Variants in CSMD1 observed in about 807,000 individuals in gnomAD.
The protein encoded by CSMD1 is CUB and sushi domain-containing protein 1.
CSMD1 carries 213 observed loss-of-function variants against 417.5 expected under a neutral mutation model. The observed-to-expected ratio is 0.51, with a 90% CI of 0.46 to 0.57. CSMD1 has a LOEUF of 0.57. Among genes scored for constraint, CSMD1 ranks in the 20% least tolerant of loss-of-function variants. CSMD1 has a pLI of 0.00. For synonymous variants in CSMD1, 2,862 were observed against 1,736.8 expected (o/e 1.65, Z -16.11); for missense variants, 6,923 against 4,529.7 (o/e 1.53, Z -15.17).
chr8:4,197,715 C>G (rs555023381), intron 3 of CSMD1, among the ~76,000 whole-genome samples: 4 of 152,094 alleles, frequency 2.6e-5, no homozygotes, highest in African/African-American at 9.7e-5. Context: ...TCTGTCTCTA[C>G]TAAAAATACA....
chr8:3,621,753 ATTATTATTATTATT>A (rs1437756615), intron 7 of CSMD1, among the ~76,000 whole-genome samples: 10 of 150,762 alleles, frequency 6.6e-5, no homozygotes, highest in African/African-American at 1.7e-4. Flanking sequence ...CTAATGTTTT[ATTATTATTATTATT>A]TTATTATTAT....
intron 7 of CSMD1, among the ~76,000 whole-genome samples, chr8:3,660,096 T>C (rs1407456633): frequency 1.3e-5 from 2 of 152,238 alleles, no homozygotes; most frequent in South Asian, 2.1e-4. Context: ...ACCATCGTGA[T>C]GTATGTGGCT....
chr8:4,562,749 T>TCAAGCTGTCA (rs1296191384), intron 2 of CSMD1, among the ~76,000 whole-genome samples: 2 of 152,110 alleles, frequency 1.3e-5, no homozygotes, highest in African/African-American at 4.8e-5. Context: ...TGCATGCTGG[T>TCAAGCTGTCA]GGCTGTTAGC....
chr8:4,190,720 A>T (rs950813277), intron 3 of CSMD1, among the ~76,000 whole-genome samples: 1 of 152,180 alleles, frequency 6.6e-6, no homozygotes, highest in African/African-American at 2.4e-5. Context: ...ACAGAAAATC[A>T]TCTGAAATCA....
chr8:4,334,329 G>A (rs1447441250), intron 3 of CSMD1, among the ~76,000 whole-genome samples: 1 of 152,140 alleles, frequency 6.6e-6, no homozygotes, highest in Non-Finnish European at 1.5e-5. Context: ...TTGTGGATGT[G>A]AATGACATTT....
At chr8:3,124,465 A>C (rs1227673553) in intron 41 of CSMD1, among the ~76,000 whole-genome samples, 1 of 152,250 alleles carries the variant, frequency 6.6e-6, no homozygotes, top group East Asian at 1.9e-4. Context: ...AGATCTAAGT[A>C]GGAAAATGGT....
intron 3 of CSMD1, among the ~76,000 whole-genome samples, chr8:4,171,231 C>T (rs1177795849): frequency 1.3e-5 from 2 of 151,978 alleles, no homozygotes; most frequent in African/African-American, 4.8e-5. Context: ...AGGTCCAGCT[C>T]AACCGTTCAC....
At chr8:4,730,347 G>C (rs1809762790) in intron 1 of CSMD1, among the ~76,000 whole-genome samples, 1 of 152,126 alleles carries the variant, frequency 6.6e-6, no homozygotes, top group Non-Finnish European at 1.5e-5. Context: ...TATATAGAAA[G>C]CCCTTGAAAG....
chr8:4,461,959 G>C (rs937452781), intron 2 of CSMD1, among the ~76,000 whole-genome samples: 4 of 151,826 alleles, frequency 2.6e-5, no homozygotes, highest in African/African-American at 9.7e-5. Context: ...GCCAGGATGG[G>C]CTCTATCTCC....
At chr8:3,392,386 T>A (rs976324926) in intron 17 of CSMD1, among the ~76,000 whole-genome samples, 1 of 152,170 alleles carries the variant, frequency 6.6e-6, no homozygotes. Flanking sequence ...AGTGCCTGCA[T>A]CTTGGCTTCA....
At chr8:4,761,241 A>C (rs1055444687) in intron 1 of CSMD1, among the ~76,000 whole-genome samples, 2 of 152,168 alleles carry the variant, frequency 1.3e-5, no homozygotes, top group African/African-American at 4.8e-5. Flanking sequence ...ACTATGGAAC[A>C]TTCAAAGTGG....
intron 3 of CSMD1, among the ~76,000 whole-genome samples, chr8:4,219,861 G>T (rs991080772): frequency 1.3e-5 from 2 of 152,164 alleles, no homozygotes; most frequent in African/African-American, 4.8e-5. Context: ...GGAGTGCATA[G>T]AAAGACAAAA....
chr8:3,753,944 T>A lies in CSMD1; in HGVS notation c.917A>T (p.Asn306Ile). The A allele has an allele frequency of 6.2e-7, 1 of 1,611,448 alleles. No individual in the cohort carries two copies. Among genetic ancestry groups the A allele is most frequent in the Non-Finnish European group, 8.5e-7 (1 of 1,177,894 alleles). Residue 306 changes from asparagine to isoleucine, a missense_variant, in exon 6 of 70, where the codon AAC (asparagine) becomes ATC (isoleucine). Transcript: ENST00000635120. ...SDSNHRRKGF[N>I]AQFQVKKAIE... ...AGCATCCTTACCTTGGAACTGAGCG[T>A]TAAATCCTTTGCGTCGGTGGTTGCT...
intron 5 of CSMD1, among the ~76,000 whole-genome samples, chr8:3,850,327 C>T (rs955661287): frequency 6.6e-6 from 1 of 152,232 alleles, no homozygotes; most frequent in Admixed American, 6.5e-5. Flanking sequence ...CATAGGGTCT[C>T]ACCCCTGACT....
At chr8:3,294,840 C>T (rs1306826869) in intron 25 of CSMD1, among the ~76,000 whole-genome samples, 1 of 152,102 alleles carries the variant, frequency 6.6e-6, no homozygotes, top group Admixed American at 6.5e-5. Flanking sequence ...CCTGCACCCA[C>T]TTTCCGACAC....
chr8:3,461,602 G>C (rs372234372), intron 12 of CSMD1, among the ~76,000 whole-genome samples: 1 of 151,968 alleles, frequency 6.6e-6, no homozygotes, highest in Non-Finnish European at 1.5e-5. Context: ...GAAGAGGAAG[G>C]GCCCCATGAA....
intron 3 of CSMD1, among the ~76,000 whole-genome samples, chr8:4,190,955 G>GA (rs1181670080): frequency 3.3e-5 from 5 of 151,842 alleles, no homozygotes; most frequent in African/African-American, 1.2e-4. Flanking sequence ...GTGGAGAGTG[G>GA]GGGGGGCGGG....
chr8:3,835,822 G>C (rs985107251), intron 5 of CSMD1, among the ~76,000 whole-genome samples: 10 of 151,850 alleles, frequency 6.6e-5, no homozygotes, highest in African/African-American at 2.2e-4. Context: ...TTTCAGTCTA[G>C]GAGTTCTTCT....
intron 1 of CSMD1, among the ~76,000 whole-genome samples, chr8:4,833,944 C>G (rs920202776): frequency 2.0e-5 from 3 of 152,178 alleles, no homozygotes; most frequent in Non-Finnish European, 2.9e-5. Context: ...ACAGCGGCCC[C>G]TGACTAGTCT....
Sources: gnomAD v4.1 joint callset for allele counts (sites outside exome capture counted in the v4.1 genomes callset) on GRCh38, gnomAD v4.1.1 for gene constraint, MANE v1.5 for transcripts, NCBI Gene and HGNC (gene_info 2026-07-23, HGNC 2026-07-21) for gene names.